The following GREB1L variants were observed in gnomAD, a reference collection of about 807,000 sequenced individuals.
The protein encoded by GREB1L is GREB1-like protein.
A neutral mutation model predicts 200.8 loss-of-function variants in GREB1L; 17 were observed. The observed-to-expected ratio is 0.08, with a 90% CI of 0.06 to 0.13. GREB1L has a LOEUF of 0.13. Ranked by LOEUF, GREB1L falls within the 10% of genes least tolerant of loss-of-function variation. The pLI, the probability that GREB1L is intolerant of heterozygous loss-of-function variation, is 1.00. For missense variants in GREB1L, 1,657 were observed against 2,367.7 expected, an observed-to-expected ratio of 0.70 and a Z score of 6.23; for synonymous variants, 789 against 893.0, an observed-to-expected ratio of 0.88 and a Z score of 2.08.
chr18:21,301,353 G>A (rs867422860), intron 1 of GREB1L, among the ~76,000 whole-genome samples: 1 of 152,168 alleles, frequency 6.6e-6, no homozygotes, highest in Non-Finnish European at 1.5e-5. Context: ...TTTCCTCCCA[G>A]AGGCTGTCTT....
In GREB1L at chr18:21,496,748, G is replaced by A. The variant is rs1342697028; in HGVS notation, c.3391+50G>A. ...TGGAGTGAGAGACATGAGTCAGGAG[G>A]TGTGTAGGAATTTGGAAGGCAGAGG... is the stretch of plus-strand genomic sequence containing the variant. On this transcript the variant is annotated intron_variant, in intron 21 of 32. Transcript: ENST00000424526. The A allele has an allele frequency of 2.6e-6, 4 of 1,533,728 alleles. No individual in the cohort carries two copies. The African/African-American group carries it at 4.1e-5, about 16-fold the overall frequency.
At chr18:21,281,302 C>A (rs1390866834) in intron 1 of GREB1L, among the ~76,000 whole-genome samples, 1 of 152,174 alleles carries the variant, frequency 6.6e-6, no homozygotes, top group Non-Finnish European at 1.5e-5. Context: ...TGAGATTCAA[C>A]TTCTCATTGC....
In GREB1L at chr18:21,477,264, C is replaced by T. The variant is rs764095796; in HGVS notation, c.2464C>T (p.Leu822Phe). 1 of 1,551,788 alleles carries T rather than the reference C, an allele frequency of 6.4e-7. No homozygotes were observed. The highest frequency in any genetic ancestry group is 1.2e-5 in the South Asian group (1 of 84,060). ...EVLEAFNLLV[L>F]QVSSFPYTLQ... ...TCTGGAAGCTTTCAACCTCCTGGTG[C>T]TCCAGGTCAGCTCCTTCCCATACAC... Residue 822 changes from leucine (L) to phenylalanine (F), a missense_variant, in exon 17 of 33, where the codon CTC becomes TTC. By Grantham distance (22) the Leu-to-Phe change is conservative. Coordinates refer to ENST00000424526, the MANE Select transcript of GREB1L (RefSeq NM_001142966.3).
chr18:21,363,174 A>G (rs1454179632), intron 1 of GREB1L, among the ~76,000 whole-genome samples: 1 of 151,548 alleles, frequency 6.6e-6, no homozygotes, highest in Non-Finnish European at 1.5e-5. Context: ...AGAATGCTGT[A>G]TGGTAGACTT....
intron 1 of GREB1L, among the ~76,000 whole-genome samples, chr18:21,290,786 C>T (rs752867617): frequency 6.8e-6 from 1 of 146,034 alleles, no homozygotes; most frequent in Non-Finnish European, 1.5e-5. Context: ...GGTGGAGCCA[C>T]TGCACTCCAG....
At chr18:21,397,517 TCC>T (rs1194517750) in intron 5 of GREB1L, among the ~76,000 whole-genome samples, 1 of 113,388 alleles carries the variant, frequency 8.8e-6, no homozygotes, top group Admixed American at 1.0e-4. Context: ...AGAGCGAGAC[TCC>T]GTCTCAAAAA....
At chr18:21,369,821 C>T (rs770874101) in intron 2 of GREB1L, among the ~76,000 whole-genome samples, 30 of 151,602 alleles carry the variant, frequency 2.0e-4, no homozygotes, top group South Asian at 6.2e-4. Context: ...TGGTGGCACG[C>T]GCCTGTAATC....
intron 1 of GREB1L, among the ~76,000 whole-genome samples, chr18:21,331,455 G>T (rs2039106057): frequency 1.3e-5 from 2 of 152,196 alleles, no homozygotes; most frequent in Admixed American, 1.3e-4. Flanking sequence ...TGGGTAAAAA[G>T]AGACATTATC....
At position 21,403,869 on chromosome 18, in the gene GREB1L, C is replaced by T. The variant is rs2041419552; in HGVS notation, c.710-3C>T. ...ATACAATGTGATTTTTACTCTTTTC[C>T]AGAATGTAGAAGCCGACAATCCTCT... On this transcript the variant is annotated splice_polypyrimidine_tract_variant and splice_region_variant and intron_variant, in intron 6 of 32. Transcript: ENST00000424526. 6.4e-7 allele frequency: 1 copy of T among 1,550,600 alleles called. No homozygotes were observed. The highest frequency in any genetic ancestry group is 8.7e-7 in the Non-Finnish European group (1 of 1,146,198).
intron 7 of GREB1L, among the ~76,000 whole-genome samples, chr18:21,405,234 G>A (rs908555879): frequency 1.7e-4 from 26 of 152,196 alleles, no homozygotes; most frequent in African/African-American, 6.3e-4. Flanking sequence ...ATTCAAGAAA[G>A]AAACAAGTTA....
intron 18 of GREB1L, among the ~76,000 whole-genome samples, chr18:21,487,846 C>CAA (rs749678621): frequency 9.6e-5 from 12 of 125,296 alleles, no homozygotes; most frequent in African/African-American, 1.2e-4. Context: ...ACTAAAAATA[C>CAA]AAAAAAAAAA....
At chr18:21,504,953 G>C (rs1003345938) in intron 23 of GREB1L, among the ~76,000 whole-genome samples, 4 of 152,128 alleles carry the variant, frequency 2.6e-5, no homozygotes, top group Admixed American at 2.6e-4. Context: ...CATTCTGACT[G>C]AACTATTCTG....
intron 1 of GREB1L, among the ~76,000 whole-genome samples, chr18:21,287,485 C>T (rs568728406): frequency 3.3e-5 from 5 of 152,196 alleles, no homozygotes; most frequent in South Asian, 2.1e-4. Context: ...AGAAGATCAT[C>T]GGAAGAATTG....
intron 1 of GREB1L, among the ~76,000 whole-genome samples, chr18:21,336,719 CT>C (rs774635501): frequency 1.3e-5 from 2 of 152,180 alleles, no homozygotes; most frequent in African/African-American, 2.4e-5. Context: ...CTGGCATACA[CT>C]AACTTTAGCA....
At chr18:21,285,130 C>T (rs1321652604) in intron 1 of GREB1L, among the ~76,000 whole-genome samples, 1 of 152,030 alleles carries the variant, frequency 6.6e-6, no homozygotes, top group East Asian at 1.9e-4. Flanking sequence ...GTGGCTTGTC[C>T]ATTTTCTTTT....
intron 1 of GREB1L, among the ~76,000 whole-genome samples, chr18:21,329,085 C>T (rs527343394): frequency 2.6e-5 from 4 of 152,070 alleles, no homozygotes; most frequent in Admixed American, 6.6e-5. Flanking sequence ...GCCCTTTGAG[C>T]GACCAAGGCA....
chr18:21,371,710 G>A (rs1215373072), intron 2 of GREB1L, among the ~76,000 whole-genome samples: 1 of 151,060 alleles, frequency 6.6e-6, no homozygotes, highest in Non-Finnish European at 1.5e-5. Context: ...CATGAACCTG[G>A]GAGGCGGAGC....
intron 19 of GREB1L, among the ~76,000 whole-genome samples, chr18:21,491,979 G>A (rs544389913): frequency 9.2e-5 from 14 of 152,120 alleles, no homozygotes; most frequent in African/African-American, 2.6e-4. Context: ...ACAAAACTCC[G>A]GAAACGCTTC....
At chr18:21,413,003 C>T (rs1324200026) in intron 7 of GREB1L, among the ~76,000 whole-genome samples, 1 of 152,090 alleles carries the variant, frequency 6.6e-6, no homozygotes, top group African/African-American at 2.4e-5. Flanking sequence ...GGGATTGTTG[C>T]TGTCATAGTA....
Sources: allele counts gnomAD v4.1 joint callset (sites outside exome capture counted in the v4.1 genomes callset), GRCh38; gene constraint gnomAD v4.1.1; transcripts MANE v1.5; gene names NCBI Gene and HGNC (gene_info 2026-07-23, HGNC 2026-07-21).